The following EDA variants were observed in gnomAD, a reference collection of about 807,000 sequenced individuals.
EDA encodes ectodysplasin-A.
In EDA, 2 loss-of-function variants were observed where a neutral mutation model predicts 23.6. The ratio of observed to expected loss-of-function variants is 0.08; its 90% CI spans 0.03 to 0.27. The LOEUF is 0.27. Among genes scored for constraint, EDA ranks in the 10% least tolerant of loss-of-function variants. The pLI is 1.00. For synonymous variants in EDA, 131 were observed against 132.0 expected (o/e 0.99, Z 0.05); for missense variants, 229 against 324.2 (o/e 0.71, Z 2.26).
chrX:69,709,899 C>T (rs921354535), intron 1 of EDA, among the ~76,000 whole-genome samples: 3 of 110,869 alleles, frequency 2.7e-5, no homozygotes, highest in Non-Finnish European at 5.7e-5. Context: ...GATATTAGCC[C>T]TTTGTCAGAT....
At chrX:69,965,678 G>A (rs2019162435) in intron 2 of EDA, among the ~76,000 whole-genome samples, 1 of 112,003 alleles carries the variant, frequency 8.9e-6, no homozygotes, top group African/African-American at 3.2e-5. Flanking sequence ...GAGTGTTTGG[G>A]GCTGAGGTGA....
intron 1 of EDA, among the ~76,000 whole-genome samples, chrX:69,744,768 T>C (rs2013565841): frequency 8.9e-6 from 1 of 112,156 alleles, no homozygotes; most frequent in East Asian, 2.8e-4. Flanking sequence ...AGGTGCTTTA[T>C]GTACTTCTCA....
intron 1 of EDA, among the ~76,000 whole-genome samples, chrX:69,769,557 T>C (rs752239185): frequency 2.9e-4 from 32 of 111,518 alleles, no homozygotes; most frequent in African/African-American, 1.0e-3. Context: ...CATCTTGTCA[T>C]TTGCTTTTTA....
At chrX:70,004,363 G>A (rs949075842) in intron 2 of EDA, among the ~76,000 whole-genome samples, 10 of 111,600 alleles carry the variant, frequency 9.0e-5, no homozygotes, top group African/African-American at 3.3e-4. Flanking sequence ...GATGGGATGG[G>A]GCGGGATGAA....
At chrX:69,841,971 G>A (rs2016904338) in intron 1 of EDA, among the ~76,000 whole-genome samples, 1 of 112,108 alleles carries the variant, frequency 8.9e-6, no homozygotes, top group Non-Finnish European at 1.9e-5. Context: ...TTAACTTTGG[G>A]AAGACAGAAA....
intron 1 of EDA, among the ~76,000 whole-genome samples, chrX:69,862,429 A>C (rs1311149623): frequency 9.0e-6 from 1 of 111,637 alleles, no homozygotes; most frequent in Non-Finnish European, 1.9e-5. Flanking sequence ...AGGAAGGAAT[A>C]TTTTTAAAAA....
chrX:69,758,722 GCTACTCA>G (rs1167649689), intron 1 of EDA, among the ~76,000 whole-genome samples: 2 of 112,183 alleles, frequency 1.8e-5, no homozygotes, highest in Non-Finnish European at 3.8e-5. Context: ...TGTAGTTCCA[GCTACTCA>G]GGAGGCTGAG....
At chrX:69,749,200 G>C (rs992029265) in intron 1 of EDA, among the ~76,000 whole-genome samples, 100 of 81,427 alleles carry the variant, frequency 1.2e-3, no homozygotes, top group Non-Finnish European at 1.7e-3. Context: ...TTGGTTTTTT[G>C]TTCTTGCGAT....
At chrX:69,834,049 G>A (rs764046384) in intron 1 of EDA, among the ~76,000 whole-genome samples, 7 of 104,919 alleles carry the variant, frequency 6.7e-5, no homozygotes, top group Admixed American at 5.4e-4. Context: ...GAGAACATAC[G>A]ATGTTTGGTT....
At chrX:69,979,767 A>G (rs1460281498) in intron 2 of EDA, among the ~76,000 whole-genome samples, 1 of 111,513 alleles carries the variant, frequency 9.0e-6, no homozygotes, top group Non-Finnish European at 1.9e-5. Flanking sequence ...AGTTATTTAT[A>G]TATTCTGGAT....
intron 1 of EDA, among the ~76,000 whole-genome samples, chrX:69,800,415 A>T (rs753830626): frequency 2.7e-5 from 3 of 111,850 alleles, no homozygotes; most frequent in Non-Finnish European, 5.6e-5. Context: ...AGAAATGATT[A>T]ATACATGGGT....
intron 2 of EDA, among the ~76,000 whole-genome samples, chrX:70,015,388 C>T (rs1426852470): frequency 8.9e-6 from 1 of 111,789 alleles, no homozygotes; most frequent in East Asian, 2.8e-4. Context: ...CCCTGGCCAA[C>T]ATGGCAAAAC....
intron 1 of EDA, among the ~76,000 whole-genome samples, chrX:69,818,267 C>T (rs888633281): frequency 1.8e-5 from 2 of 111,023 alleles, no homozygotes; most frequent in African/African-American, 3.3e-5. Flanking sequence ...ATCAGAAATT[C>T]AGAAAGATCT....
At position 69,926,527 on chromosome X, in the gene EDA, T is replaced by C. The variant is rs1436292605; in HGVS notation, c.397-30500T>C. On this transcript the variant is annotated intron_variant, in intron 1 of 7. Coordinates refer to ENST00000374552, the MANE Select transcript of EDA (RefSeq NM_001399.5). ...TTGCACTGTGGTCTGAGAGACTGTT[T>C]GTTACGATGTCAGTTCTTTTGCATT... 2.7e-5 allele frequency among the ~76,000 whole-genome samples: 3 copies of C among 112,026 alleles called. No homozygotes were observed. The Admixed American group carries it at 2.8e-4, about 11-fold the overall frequency.
At chrX:69,796,192 G>A (rs2520380) in intron 1 of EDA, among the ~76,000 whole-genome samples, 33,505 of 110,666 alleles carry the variant, frequency 0.3, 4,743 homozygotes, top group Middle Eastern at 0.54. Context: ...GCTGTCCAGG[G>A]GCCTGATAAC....
chrX:69,757,699 C>A (rs180707495), intron 1 of EDA, among the ~76,000 whole-genome samples: 1 of 112,016 alleles, frequency 8.9e-6, no homozygotes, highest in Non-Finnish European at 1.9e-5. Context: ...ACTTTCATAA[C>A]GAAGCCATTG....
intron 1 of EDA, among the ~76,000 whole-genome samples, chrX:69,788,985 A>G (rs1454319286): frequency 6.2e-5 from 7 of 112,509 alleles, no homozygotes; most frequent in Non-Finnish European, 1.1e-4. Flanking sequence ...TGCGGGATAT[A>G]ATCTCGTGGT....
chrX:70,003,170 A>T (rs2019760946), intron 2 of EDA, among the ~76,000 whole-genome samples: 1 of 111,756 alleles, frequency 8.9e-6, no homozygotes. Flanking sequence ...CAGACAGGTG[A>T]AGTGATTCGC....
intron 1 of EDA, among the ~76,000 whole-genome samples, chrX:69,880,434 C>T (rs767921794): frequency 1.8e-5 from 2 of 112,044 alleles, no homozygotes; most frequent in Non-Finnish European, 3.8e-5. Flanking sequence ...ATTTCCTCCA[C>T]TGCTGGGGAC....
Sources: allele counts gnomAD v4.1 joint callset (sites outside exome capture counted in the v4.1 genomes callset), GRCh38; gene constraint gnomAD v4.1.1; transcripts MANE v1.5; gene names NCBI Gene and HGNC (gene_info 2026-07-23, HGNC 2026-07-21).